Variants in ZNF585A observed in about 807,000 individuals in gnomAD.
The protein encoded by ZNF585A is zinc finger protein 585A.
ZNF585A carries 9 observed loss-of-function variants against 14.9 expected under a neutral mutation model. That is an observed-to-expected ratio of 0.60 (90% CI 0.36 to 1.05). The LOEUF (loss-of-function observed/expected upper bound fraction) is 1.05. Among genes scored for constraint, ZNF585A ranks in the 50% least tolerant of loss-of-function variants. The probability of loss-of-function intolerance (pLI) is 0.01; values close to 1 mark genes in which losing one functional copy is unlikely to be tolerated. For synonymous variants in ZNF585A, 276 were observed against 319.9 expected, an observed-to-expected ratio of 0.86 and a Z score of 1.46; for missense variants, 726 against 926.4, an observed-to-expected ratio of 0.78 and a Z score of 2.81.
At position 37,170,014 on chromosome 19, in the gene ZNF585A, G is replaced by A; in HGVS notation, c.-104C>T. The A allele has an allele frequency of 7.0e-7, 1 of 1,421,582 alleles. No homozygotes were observed. Among genetic ancestry groups the A allele is most frequent in the South Asian group, 1.3e-5 (1 of 78,790 alleles). 88.1% of individuals were successfully genotyped at this position (1,421,582 alleles called of 1,614,324 possible). A position where few individuals can be genotyped will look rare whatever the true frequency, so the allele number is the denominator to read the frequency against. ...CTGAAGAGATGGGCTGGAGTCTAGA[G>A]GAAAATCTGGCCCAGGGGCTCCCCA... On this transcript the variant is annotated 5_prime_UTR_variant, in exon 2 of 5. Coordinates refer to ENST00000292841, the MANE Select transcript of ZNF585A (RefSeq NM_001288800.2).
chr19:37,169,713 G>T, intron 2 of ZNF585A, 126 bp downstream of exon 2: 1 of 1,024,482 alleles, frequency 9.8e-7, no homozygotes, highest in Non-Finnish European at 1.4e-6. Context: ...TTCAGGAGCA[G>T]CAGGTCTAGA....
At chr19:37,159,741 A>G (rs1903134053) in intron 2 of ZNF585A, among the ~76,000 whole-genome samples, 1 of 152,208 alleles carries the variant, frequency 6.6e-6, no homozygotes, top group Non-Finnish European at 1.5e-5. Flanking sequence ...TAACAGAAAC[A>G]AAACAGACAA....
At chr19:37,169,556 C>T (rs1972149433) in intron 2 of ZNF585A, among the ~76,000 whole-genome samples, 1 of 151,996 alleles carries the variant, frequency 6.6e-6, no homozygotes, top group Non-Finnish European at 1.5e-5. Flanking sequence ...AAAATCTATC[C>T]ACAGCCCAAA....
In ZNF585A at chr19:37,169,873, G is replaced by A. The variant is rs776884987; in HGVS notation, c.38C>T (p.Ala13Val). The A allele has an allele frequency of 3.7e-6, 6 of 1,613,342 alleles. No individual in the cohort carries two copies. The highest frequency in any genetic ancestry group is 4.5e-5 in the East Asian group (2 of 44,876). ...GCTGCCATGATCCTCTGGAGCCAGG[G>A]CTGAGGATTTCTGAGGTGAGGTCCA... ...ANWTSPQKSS[A>V]LAPEDHGSSY... is the part of the protein sequence containing the mutation. Residue 13 changes from alanine to valine, a missense_variant, in exon 2 of 5, where the codon GCC becomes GTC. Around this residue, in one of 2 missense-constraint regions of ZNF585A, gnomAD observed 483 missense variants for 542.8 expected, o/e 0.89. Transcript: ENST00000292841.
chr19:37,157,618 T>C (rs1971951194), intron 2 of ZNF585A, among the ~76,000 whole-genome samples: 1 of 151,978 alleles, frequency 6.6e-6, no homozygotes, highest in African/African-American at 2.4e-5. Context: ...ACCCAGAATA[T>C]GGGGTGAGGG....
chr19:37,153,276 T>G lies in ZNF585A; in HGVS notation c.623A>C (p.His208Pro), dbSNP rs1356990232. The G allele has an allele frequency of 6.2e-7, 1 of 1,614,218 alleles. No individual in the cohort carries two copies. The highest frequency in any genetic ancestry group is 2.2e-5 in the East Asian group (1 of 44,884). ...GCATTCATAGAGTTTCTCTCCGGTA[T>G]GAATTCTCTGATGCCTGAAGAGGGA... ...VSSLFRHQRI[H>P]TGEKLYECSQ... Residue 208 changes from histidine to proline, a missense_variant, in exon 5 of 5, where the codon CAT becomes CCT. Physicochemically the swap from His to Pro is moderately conservative, Grantham distance 77. This residue lies in a region of ZNF585A where 483 missense variants were observed against 542.8 expected (regional missense o/e 0.89). Transcript: ENST00000292841.
chr19:37,156,135 A>G, intron 3 of ZNF585A, 94 bp downstream of exon 3: 1 of 1,568,814 alleles, frequency 6.4e-7, no homozygotes, highest in Non-Finnish European at 8.6e-7. Context: ...GAACAAAATC[A>G]TCACCTATTT....
In ZNF585A at chr19:37,146,309, AG is replaced by A. The variant is rs1971744048; in HGVS notation, c.*5279del. The A allele has an allele frequency of 6.6e-6, 1 of 152,198 alleles. No individual in the cohort carries two copies. The highest frequency in any genetic ancestry group is 2.4e-5 in the African/African-American group (1 of 41,412). 9.4% of individuals were successfully genotyped at this position (152,198 alleles called of 1,614,324 possible). On this transcript the variant is annotated 3_prime_UTR_variant, in exon 5 of 5. Transcript: ENST00000292841. ...GGCAGGAGAATCACTTGAACCCGGGAGGCAGAGGTTGCAGTGAGCCAAGATC... is the reference window on the plus strand; with the variant it reads ...GGCAGGAGAATCACTTGAACCCGGGAGCAGAGGTTGCAGTGAGCCAAGATC...
chr19:37,164,099 A>G (rs895061260), intron 2 of ZNF585A, among the ~76,000 whole-genome samples: 3 of 152,220 alleles, frequency 2.0e-5, no homozygotes, highest in African/African-American at 7.2e-5. Flanking sequence ...ACCAAACTAC[A>G]TAACATCAAA....
At chr19:37,168,014 T>C (rs930062287) in intron 2 of ZNF585A, among the ~76,000 whole-genome samples, 1 of 152,192 alleles carries the variant, frequency 6.6e-6, no homozygotes, top group Non-Finnish European at 1.5e-5. Context: ...GCCTTGAGAG[T>C]AGTGTACTAA....
Position 37,146,575 on chromosome 19 carries a change from AC to A in ZNF585A, c.*5013del, listed in dbSNP as rs1388018277. 6.6e-6 allele frequency: 1 copy of A among 152,046 alleles called. No homozygotes were observed. The highest frequency in any genetic ancestry group is 2.4e-5 in the African/African-American group (1 of 41,346). 9.4% of individuals were successfully genotyped at this position (152,046 alleles called of 1,614,324 possible). A position where few individuals can be genotyped will look rare whatever the true frequency, so the allele number is the denominator to read the frequency against. On this transcript the variant is annotated 3_prime_UTR_variant, in exon 5 of 5. Transcript: ENST00000292841. Reference sequence around the variant, plus strand: ...TCCAACAAGGTGCCTGAGCCCCAGAACCCTCAGCCCTGCCACATTCCTCTTG... The same window carrying A: ...TCCAACAAGGTGCCTGAGCCCCAGAACCTCAGCCCTGCCACATTCCTCTTG...
At position 37,167,832 on chromosome 19, in the gene ZNF585A, A is replaced by G. The variant is rs544427276; in HGVS notation, c.72+2007T>C. Reference sequence around the variant, plus strand: ...GAGTCTTCAGTATATGAGTTTCACCATGTTAGCCAGGCTGGTCTCCAACTC... The same window carrying G: ...GAGTCTTCAGTATATGAGTTTCACCGTGTTAGCCAGGCTGGTCTCCAACTC... On this transcript the variant is annotated intron_variant, in intron 2 of 4. Coordinates refer to ENST00000292841, the MANE Select transcript of ZNF585A (RefSeq NM_001288800.2). Among the ~76,000 whole-genome samples the G allele has an allele frequency of 1.8e-4, 28 of 152,120 alleles. No individual in the cohort carries two copies. The East Asian group carries it at 3.5e-3, about 19-fold the overall frequency.
Position 37,169,945 on chromosome 19 carries a change from T to G in ZNF585A, c.-35A>C. 1 of 1,602,522 alleles carries G rather than the reference T, an allele frequency of 6.2e-7. No homozygotes were observed. Among genetic ancestry groups the G allele is most frequent in the Non-Finnish European group, 8.5e-7 (1 of 1,176,956 alleles). ...GGGTCTCAACCCTTTTTCTGTAGGG[T>G]GTCTGAAGCTTGGCAGTCATCTGTG... is the stretch of plus-strand genomic sequence containing the variant. On this transcript the variant is annotated 5_prime_UTR_variant, in exon 2 of 5. Transcript: ENST00000292841.
intron 2 of ZNF585A, among the ~76,000 whole-genome samples, chr19:37,158,014 A>G (rs1971958041): frequency 6.6e-6 from 1 of 151,282 alleles, no homozygotes; most frequent in East Asian, 2.0e-4. Flanking sequence ...CAGACTCCCG[A>G]GTAGCTGGGA....
chr19:37,151,198 G>A lies in ZNF585A; in HGVS notation c.*391C>T, dbSNP rs1035971129. ...GATTCATCACTATCAAAATAACTAC[G>A]TATTATGTTGTTTTATCATTCAATT... On this transcript the variant is annotated 3_prime_UTR_variant, in exon 5 of 5. Transcript: ENST00000292841. 10 of 410,122 alleles carry A rather than the reference G, an allele frequency of 2.4e-5. No individual in the cohort carries two copies. Among genetic ancestry groups the A allele is most frequent in the South Asian group, 1.1e-4 (1 of 9,102 alleles). 25.4% of individuals were successfully genotyped at this position (410,122 alleles called of 1,614,324 possible). A position where few individuals can be genotyped will look rare whatever the true frequency, so the allele number is the denominator to read the frequency against.
chr19:37,167,823 A>T (rs1972121130), intron 2 of ZNF585A, among the ~76,000 whole-genome samples: 1 of 151,668 alleles, frequency 6.6e-6, no homozygotes, highest in Non-Finnish European at 1.5e-5. Flanking sequence ...TCAGTATATG[A>T]GTTTCACCAT....
intron 2 of ZNF585A, among the ~76,000 whole-genome samples, chr19:37,166,468 C>T (rs1165619587): frequency 6.6e-6 from 1 of 152,076 alleles, no homozygotes; most frequent in Non-Finnish European, 1.5e-5. Flanking sequence ...TACAGGTGCG[C>T]ACCACCACAT....
At chr19:37,162,061 C>T (rs1338281329) in intron 2 of ZNF585A, among the ~76,000 whole-genome samples, 2 of 152,156 alleles carry the variant, frequency 1.3e-5, no homozygotes, top group African/African-American at 4.8e-5. Flanking sequence ...GTAGCTGGGA[C>T]TACAGGCACC....
At position 37,153,563 on chromosome 19, in the gene ZNF585A, A is replaced by C. The variant is rs755510419; in HGVS notation, c.336T>G (p.Ser112Arg). The change falls in exon 5 of 5, where the codon AGT becomes AGG. Residue 112 changes from serine (S) to arginine (R), a missense_variant. This residue lies in a region of ZNF585A where 483 missense variants were observed against 542.8 expected (regional missense o/e 0.89). Coordinates refer to ENST00000292841, the MANE Select transcript of ZNF585A (RefSeq NM_001288800.2). The stretch of plus-strand genomic sequence containing the variant: ...GAGGTTGAGAGGATACTTGTTTATA[A>C]CTGAGGATTTTTCTACATTGATTAT... ...WDHNQCRKILSYKQVSSQPQK... is the reference protein window; with the variant it reads ...WDHNQCRKILRYKQVSSQPQK... The C allele has an allele frequency of 4.3e-6, 7 of 1,613,648 alleles. No individual in the cohort carries two copies. Among genetic ancestry groups the C allele is most frequent in the Non-Finnish European group, 5.9e-6 (7 of 1,179,952 alleles).
Sources: gnomAD v4.1 joint callset for allele counts (sites outside exome capture counted in the v4.1 genomes callset) on GRCh38, gnomAD v4.1.1 for gene constraint, gnomAD v4.1.1 regional missense constraint, MANE v1.5 for transcripts, NCBI Gene and HGNC (gene_info 2026-07-23, HGNC 2026-07-21) for gene names.